The following IL16 variants were observed in gnomAD, a reference collection of about 807,000 sequenced individuals.
IL16 encodes interleukin 16.
Under a neutral mutation model 110.1 loss-of-function variants are expected in IL16, and 67 were observed. That is an observed-to-expected ratio of 0.61 (90% CI 0.50 to 0.75). The LOEUF is 0.75. Ranked by LOEUF, IL16 falls within the 30% of genes least tolerant of loss-of-function variation. The pLI, the probability that IL16 is intolerant of heterozygous loss-of-function variation, is 0.00. For missense variants in IL16, 1,545 were observed against 1,655.0 expected (o/e 0.93, Z 1.15); for synonymous variants, 689 against 662.9 (o/e 1.04, Z -0.61).
In IL16 at chr15:81,244,448, A is replaced by G. The variant is rs539020726; in HGVS notation, c.313-15324A>G. 3.2e-4 allele frequency among the ~76,000 whole-genome samples: 49 copies of G among 152,130 alleles called. 1 individual carries two copies. The South Asian group carries it at 5.8e-3, about 18-fold the overall frequency. On this transcript the variant is annotated intron_variant, in intron 2 of 18. Coordinates refer to ENST00000683961, the MANE Select transcript of IL16 (RefSeq NM_172217.5). The stretch of plus-strand genomic sequence containing the variant: ...TAATTTCTCTTTCATTTCAGAAAAA[A>G]ATATTTTTTGCTACATAAAGGACCT...
chr15:81,292,715 G>A lies in IL16; in HGVS notation c.1580G>A (p.Ser527Asn), dbSNP rs763705866. 3.1e-6 allele frequency: 5 copies of A among 1,614,070 alleles called. No individual in the cohort carries two copies. The highest frequency in any genetic ancestry group is 4.5e-5 in the East Asian group (2 of 44,888). ...GGGTCCCCAGGGGGAAGTCCTGGGA[G>A]TGGCAGTGCTGAGAAGCCGTCCTCT... is the stretch of plus-strand genomic sequence containing the variant. Reference protein sequence around the residue: ...MSGSPGGSPGSGSAEKPSSDV... With the variant: ...MSGSPGGSPGNGSAEKPSSDV... The change falls in exon 12 of 19, where the codon AGT (serine) becomes AAT (asparagine). Residue 527 changes from serine (S) to asparagine (N), a missense_variant. Around this residue, in one of 3 missense-constraint regions of IL16, gnomAD observed 1,185 missense variants for 1,238.8 expected, o/e 0.96. Coordinates refer to ENST00000683961, the MANE Select transcript of IL16 (RefSeq NM_172217.5).
chr15:81,213,071 T>C (rs1451148855), intron 1 of IL16, among the ~76,000 whole-genome samples: 1 of 152,202 alleles, frequency 6.6e-6, no homozygotes, highest in Non-Finnish European at 1.5e-5. Context: ...CCAGAGATTT[T>C]GGTAAGTTGT....
At position 81,225,428 on chromosome 15, in the gene IL16, G is replaced by A; in HGVS notation, c.29G>A (p.Ser10Asn). ...GAGTCGCACAGCCGCGCTGGAAAGA[G>A]CAGAAAATCTGCAAAATTTCGGTCC... MESHSRAGK[S>N]RKSAKFRSIS... The change falls in exon 2 of 19, where the codon AGC becomes AAC. Residue 10 changes from serine (S) to asparagine (N), a missense_variant. Around this residue, in one of 3 missense-constraint regions of IL16, gnomAD observed 1,185 missense variants for 1,238.8 expected, o/e 0.96. Transcript: ENST00000683961. 1 of 1,614,172 alleles carries A rather than the reference G, an allele frequency of 6.2e-7. No homozygotes were observed. Among genetic ancestry groups the A allele is most frequent in the Admixed American group, 1.7e-5 (1 of 60,032 alleles).
At chr15:81,210,383 T>G (rs1418588631) in intron 1 of IL16, among the ~76,000 whole-genome samples, 1 of 152,230 alleles carries the variant, frequency 6.6e-6, no homozygotes, top group African/African-American at 2.4e-5. Context: ...GAATAGTTTT[T>G]CTAATTCTGT....
At chr15:81,183,984 C>T (rs1302814736) in intron 1 of IL16, among the ~76,000 whole-genome samples, 1 of 152,232 alleles carries the variant, frequency 6.6e-6, no homozygotes, top group East Asian at 1.9e-4. Flanking sequence ...AAGCAGGCTG[C>T]TCCCCTCTTC....
At chr15:81,183,385 G>C (rs2141902810) in intron 1 of IL16, among the ~76,000 whole-genome samples, 1 of 152,350 alleles carries the variant, frequency 6.6e-6, no homozygotes, top group East Asian at 1.9e-4. Context: ...GAGCAGATCT[G>C]AGAACTGGGA....
In IL16 at chr15:81,301,297, T is replaced by A. The variant is rs2141616224; in HGVS notation, c.3150-47T>A. 3 of 1,528,068 alleles carry A rather than the reference T, an allele frequency of 2.0e-6. No individual in the cohort carries two copies. In the South Asian group the frequency reaches 3.7e-5, roughly 19 times the overall value. 94.7% of individuals were successfully genotyped at this position (1,528,068 alleles called of 1,614,324 possible). The stretch of plus-strand genomic sequence containing the variant: ...GTAATTATACAATCACTGTTACCTC[T>A]TTTTAATATTGTTGTTCATACTGTG... On this transcript the variant is annotated intron_variant, in intron 14 of 18. Transcript: ENST00000683961.
Position 81,278,826 on chromosome 15 carries a change from T to C in IL16, c.800T>C (p.Ile267Thr). 6.2e-7 allele frequency: 1 copy of C among 1,610,240 alleles called. No homozygotes were observed. Among genetic ancestry groups the C allele is most frequent in the Non-Finnish European group, 8.5e-7 (1 of 1,176,458 alleles). The change falls in exon 7 of 19, where the codon ATT becomes ACT. Residue 267 changes from isoleucine (I) to threonine (T), a missense_variant. By Grantham distance (89) the Ile-to-Thr change is moderately conservative. Coordinates refer to ENST00000683961, the MANE Select transcript of IL16 (RefSeq NM_172217.5). ...TTCTCTCTCTAAACAGGTGATGAAA[T>C]TCTGGAGCTCAATGGTGAATCAATG... ...ADGRLQEGDEILELNGESMAG... is the reference protein window; with the variant it reads ...ADGRLQEGDETLELNGESMAG...
At chr15:81,273,033 G>A (rs967859104) in intron 5 of IL16, 57 bp from the exon 6 acceptor site, 1 of 1,391,350 alleles carries the variant, frequency 7.2e-7, no homozygotes, top group Non-Finnish European at 1.0e-6. Context: ...AAGGCATCAG[G>A]CCAATGAGAA....
chr15:81,282,712 C>T lies in IL16; in HGVS notation c.1155C>T (p.His385=), dbSNP rs769227199. 1 of 1,614,190 alleles carries T rather than the reference C, an allele frequency of 6.2e-7. No individual in the cohort carries two copies. Among genetic ancestry groups the T allele is most frequent in the South Asian group, 1.1e-5 (1 of 91,088 alleles). Residue 385 remains histidine, a synonymous_variant, in exon 9 of 19, where the codon CAC becomes CAT. Transcript: ENST00000683961. The part of the protein sequence containing the change: ...YFQCISGIFV[H]TLSPGSVAHL... ...AATGCATCTCTGGCATTTTCGTCCA[C>T]ACGCTGTCACCAGGATCCGTGGCGC...
intron 3 of IL16, 129 bp from the exon 4 acceptor site, chr15:81,265,523 CGCACCTG>C: frequency 1.1e-6 from 1 of 899,040 alleles, no homozygotes; most frequent in South Asian, 1.7e-5. Context: ...CTCCCCACCA[CGCACCTG>C]GCACAGGGTG....
Position 81,300,225 on chromosome 15 carries a change from T to G in IL16, c.2899T>G (p.Phe967Val). 6.2e-7 allele frequency: 1 copy of G among 1,614,224 alleles called. No individual in the cohort carries two copies. Among genetic ancestry groups the G allele is most frequent in the Non-Finnish European group, 8.5e-7 (1 of 1,180,044 alleles). Residue 967 changes from phenylalanine to valine, a missense_variant, in exon 14 of 19, where the codon TTC becomes GTC. Physicochemically the swap from Phe to Val is conservative, Grantham distance 50. Around this residue, in one of 3 missense-constraint regions of IL16, gnomAD observed 1,185 missense variants for 1,238.8 expected, o/e 0.96. Transcript: ENST00000683961. Reference protein sequence around the residue: ...LKMPSQRARSFPLTRSQSCET... With the variant: ...LKMPSQRARSVPLTRSQSCET... ...GATGCCTAGCCAGCGAGCACGGAGC[T>G]TCCCCCTGACCAGGTCCCAGTCCTG...
chr15:81,303,707 G>T lies in IL16; in HGVS notation c.3420+57G>T, dbSNP rs1900410513. The T allele has an allele frequency of 8.5e-7, 1 of 1,177,494 alleles. No individual in the cohort carries two copies. The highest frequency in any genetic ancestry group is 1.3e-6 in the Non-Finnish European group (1 of 784,420). 72.9% of individuals were successfully genotyped at this position (1,177,494 alleles called of 1,614,324 possible). A position where few individuals can be genotyped will look rare whatever the true frequency, so the allele number is the denominator to read the frequency against. On this transcript the variant is annotated intron_variant, in intron 16 of 18. Coordinates refer to ENST00000683961, the MANE Select transcript of IL16 (RefSeq NM_172217.5). The surrounding 1 kb of genome is among the most constrained non-coding windows in gnomAD (Gnocchi z 4.1). ...CCAGAGGCAATGGTTCTGGGGGAGGGGGACACACTTGCCAGGAAGGGGCCC... is the reference window on the plus strand; with the variant it reads ...CCAGAGGCAATGGTTCTGGGGGAGGTGGACACACTTGCCAGGAAGGGGCCC...
Position 81,188,749 on chromosome 15 carries a change from G to A in IL16, c.40+5853G>A, listed in dbSNP as rs1009390317. 8.6e-5 allele frequency among the ~76,000 whole-genome samples: 13 copies of A among 151,908 alleles called. 1 individual carries two copies. The highest frequency in any genetic ancestry group is 5.2e-4 in the Admixed American group (8 of 15,248). On this transcript the variant is annotated intron_variant, in intron 1 of 18. Transcript: ENST00000302987. ...TCCTTCCTTTGCCCTTCTTCCTCCCGGCCTTTTTTTCTTCTTTCTCTTCCT... is the reference window on the plus strand; with the variant it reads ...TCCTTCCTTTGCCCTTCTTCCTCCCAGCCTTTTTTTCTTCTTTCTCTTCCT...
chr15:81,248,677 TTC>T (rs1897651914), intron 2 of IL16, among the ~76,000 whole-genome samples: 1 of 150,374 alleles, frequency 6.7e-6, no homozygotes, highest in Admixed American at 6.6e-5. Flanking sequence ...CCTCTATTGA[TTC>T]TGTTTCTAAT....
rs746485239 is a variant in IL16 at position 81,292,660 on chromosome 15, C to T, written c.1525C>T (p.Arg509Cys). The change falls in exon 12 of 19, where the codon CGC becomes TGC. Residue 509 changes from arginine (R) to cysteine (C), a missense_variant. By Grantham distance (180) the Arg-to-Cys change is radical. Transcript: ENST00000683961. ...PHRRAQKVMI[R>C]SSSDSSYMSG... ...TCGCAGGGCTCAGAAGGTCATGATC[C>T]GCTCCAGCAGTGACAGCAGCTACAT... 75 of 1,613,932 alleles carry T rather than the reference C, an allele frequency of 4.6e-5. No homozygotes were observed. Among genetic ancestry groups the T allele is most frequent in the Non-Finnish European group, 5.6e-5 (66 of 1,179,946 alleles).
At chr15:81,305,317 C>T (rs1900493673) in intron 16 of IL16, among the ~76,000 whole-genome samples, 1 of 152,112 alleles carries the variant, frequency 6.6e-6, no homozygotes, top group Non-Finnish European at 1.5e-5. Flanking sequence ...TAAAAGTAGA[C>T]AATGTCAGAG....
intron 3 of IL16, 131 bp from the exon 4 acceptor site, chr15:81,265,528 C>A: frequency 1.0e-6 from 1 of 962,462 alleles, no homozygotes; most frequent in Non-Finnish European, 1.5e-6. Flanking sequence ...CACCACGCAC[C>A]TGGCACAGGG....
At chr15:81,211,253 CTT>C (rs201687635) in intron 1 of IL16, among the ~76,000 whole-genome samples, 11,557 of 135,218 alleles carry the variant, frequency 0.085, 750 homozygotes, top group South Asian at 0.32. Context: ...TTTTTTCTTT[CTT>C]TTTTTTTTTT....
Sources: allele counts gnomAD v4.1 joint callset (sites outside exome capture counted in the v4.1 genomes callset), GRCh38; gene constraint gnomAD v4.1.1; regional missense constraint gnomAD v4.1.1; non-coding constraint Gnocchi (gnomAD v3.1); transcripts MANE v1.5; gene names NCBI Gene and HGNC (gene_info 2026-07-23, HGNC 2026-07-21).